SMARCC1: variants seen among roughly 807,000 people sequenced by gnomAD.
The protein encoded by SMARCC1 is SWI/SNF related BAF chromatin remodeling complex subunit C1.
SMARCC1 carries 43 observed loss-of-function variants against 147.4 expected under a neutral mutation model. The ratio of observed to expected loss-of-function variants is 0.29; its 90% confidence interval spans 0.23 to 0.38. SMARCC1 has a LOEUF of 0.38. Among genes scored for constraint, SMARCC1 ranks in the 10% least tolerant of loss-of-function variants. SMARCC1 has a pLI of 1.00. For synonymous variants in SMARCC1, 495 were observed against 484.4 expected (o/e 1.02, Z -0.29); for missense variants, 1,119 against 1,381.1 (o/e 0.81, Z 3.01).
At chr3:47,595,409 C>A (rs1018661369) in intron 26 of SMARCC1, among the ~76,000 whole-genome samples, 1 of 151,918 alleles carries the variant, frequency 6.6e-6, no homozygotes, top group Non-Finnish European at 1.5e-5. Context: ...CACCTGTAAT[C>A]CCAGCTACTC....
At chr3:47,695,917 A>T (rs76769685) in intron 11 of SMARCC1, among the ~76,000 whole-genome samples, 1 of 125,780 alleles carries the variant, frequency 8.0e-6, no homozygotes, top group Non-Finnish European at 1.7e-5. Flanking sequence ...TACAAAAAAA[A>T]TCAGCCGGGC....
intron 26 of SMARCC1, among the ~76,000 whole-genome samples, chr3:47,593,063 G>A (rs971901128): frequency 2.6e-5 from 4 of 152,036 alleles, no homozygotes; most frequent in African/African-American, 9.7e-5. Flanking sequence ...CTGACCTCAA[G>A]TGATCCACCC....
At chr3:47,708,899 G>T (rs1405232192) in intron 9 of SMARCC1, among the ~76,000 whole-genome samples, 2 of 152,116 alleles carry the variant, frequency 1.3e-5, no homozygotes, top group Non-Finnish European at 1.5e-5. Context: ...CTCGGCCTCC[G>T]AAAGTGCTGG....
rs967302198 is a variant in SMARCC1 at position 47,736,064 on chromosome 3, G to C, written c.546C>G (p.Asn182Lys). The change falls in exon 5 of 28, where the codon AAC becomes AAG. Residue 182 changes from asparagine to lysine, a missense_variant. By Grantham distance (94) the Asn-to-Lys change is moderately conservative. Coordinates refer to ENST00000254480, the MANE Select transcript of SMARCC1 (RefSeq NM_003074.4). ...LIPDIDLKLA[N>K]KLKDIIKRHQ... ...GTCGTTTGATGATATCTTTCAATTT[G>C]TTAGCCAACTTCAGATCAATGTCTG... 1.9e-6 allele frequency: 3 copies of C among 1,596,168 alleles called. No homozygotes were observed. In the African/African-American group the frequency reaches 4.0e-5, roughly 21 times the overall value.
intron 2 of SMARCC1, among the ~76,000 whole-genome samples, chr3:47,771,585 C>A (rs929828747): frequency 6.6e-6 from 1 of 151,772 alleles, no homozygotes; most frequent in South Asian, 2.1e-4. Context: ...ACTAAAAATA[C>A]AAAAATTAGC....
chr3:47,717,790 C>T (rs1318182014), intron 7 of SMARCC1, among the ~76,000 whole-genome samples: 1 of 152,048 alleles, frequency 6.6e-6, no homozygotes, highest in Non-Finnish European at 1.5e-5. Context: ...TGGTCTAGAA[C>T]TCCTGGCCTC....
chr3:47,593,719 A>T (rs1379295977), intron 26 of SMARCC1, among the ~76,000 whole-genome samples: 1 of 152,202 alleles, frequency 6.6e-6, no homozygotes, highest in African/African-American at 2.4e-5. Flanking sequence ...ACTCTCTGTC[A>T]CTATAGAAAG....
At chr3:47,650,274 T>TA (rs2033172345) in intron 21 of SMARCC1, among the ~76,000 whole-genome samples, 9 of 97,404 alleles carry the variant, frequency 9.2e-5, no homozygotes, top group South Asian at 6.4e-4. Context: ...AGACTCTGTT[T>TA]AAAATAATAA....
chr3:47,760,667 AAAC>A (rs1379359613), intron 2 of SMARCC1, among the ~76,000 whole-genome samples: 4 of 152,182 alleles, frequency 2.6e-5, no homozygotes, highest in South Asian at 2.1e-4. Flanking sequence ...CTGTCTCAAA[AAAC>A]AACAACAAAA....
intron 3 of SMARCC1, among the ~76,000 whole-genome samples, chr3:47,744,468 C>A (rs1423283339): frequency 6.6e-6 from 1 of 152,108 alleles, no homozygotes; most frequent in Non-Finnish European, 1.5e-5. Context: ...CTACTATTTA[C>A]TATATAAATA....
chr3:47,589,718 A>G (rs2032146035), intron 27 of SMARCC1, among the ~76,000 whole-genome samples: 1 of 152,196 alleles, frequency 6.6e-6, no homozygotes, highest in African/African-American at 2.4e-5. Context: ...AGAGTATTAG[A>G]GTGTACTTAA....
Position 47,754,378 on chromosome 3 carries a change from T to C in SMARCC1, c.316-8385A>G, listed in dbSNP as rs141501531. ...CCACCACGCCCAGCTAATTTTTGTA[T>C]TTTTAGTAGAGACAGGGTTTCACCA... On this transcript the variant is annotated intron_variant, in intron 2 of 27. Coordinates refer to ENST00000254480, the MANE Select transcript of SMARCC1 (RefSeq NM_003074.4). Among the ~76,000 whole-genome samples, 851 of 152,210 alleles carry C rather than the reference T, an allele frequency of 5.6e-3. 11 individuals are homozygous for C. Among genetic ancestry groups the C allele is most frequent in the African/African-American group, 0.019 (800 of 41,536 alleles).
chr3:47,663,442 A>T (rs2033378162), intron 19 of SMARCC1, among the ~76,000 whole-genome samples: 1 of 152,126 alleles, frequency 6.6e-6, no homozygotes, highest in African/African-American at 2.4e-5. Flanking sequence ...TAGGAAGAAA[A>T]AAGTATTTAA....
At chr3:47,716,360 G>A (rs1368258896) in intron 7 of SMARCC1, among the ~76,000 whole-genome samples, 1 of 142,394 alleles carries the variant, frequency 7.0e-6, no homozygotes, top group Admixed American at 7.5e-5. Flanking sequence ...GGAGTTTGCA[G>A]TGAGCTTAGA....
At chr3:47,593,993 C>G (rs1007658534) in intron 26 of SMARCC1, among the ~76,000 whole-genome samples, 7 of 152,088 alleles carry the variant, frequency 4.6e-5, no homozygotes, top group African/African-American at 1.7e-4. Flanking sequence ...GGTGAAACCC[C>G]ATTTCTACTA....
chr3:47,618,833 G>A (rs1334390479), intron 25 of SMARCC1, among the ~76,000 whole-genome samples: 1 of 152,056 alleles, frequency 6.6e-6, no homozygotes, highest in Non-Finnish European at 1.5e-5. Context: ...AGAGCTCCTT[G>A]CCAAACTAGA....
At chr3:47,723,355 G>GTTTTTTTTTTTTT (rs71070218) in intron 6 of SMARCC1, among the ~76,000 whole-genome samples, 4 of 106,676 alleles carry the variant, frequency 3.7e-5, no homozygotes, top group African/African-American at 7.0e-5. Context: ...TTTTTGTTGG[G>GTTTTTTTTTTTTT]TTTTTTTTTT....
At chr3:47,704,648 G>A (rs1426399445) in intron 10 of SMARCC1, among the ~76,000 whole-genome samples, 1 of 152,176 alleles carries the variant, frequency 6.6e-6, no homozygotes, top group Non-Finnish European at 1.5e-5. Flanking sequence ...CAGGTGTGGT[G>A]GCTCACGCAA....
intron 16 of SMARCC1, among the ~76,000 whole-genome samples, chr3:47,677,641 T>G (rs977468917): frequency 3.3e-5 from 5 of 151,164 alleles, no homozygotes; most frequent in Admixed American, 3.3e-4. Flanking sequence ...AATCTCTGTC[T>G]CCTGAGTTCT....
Sources: gnomAD v4.1 joint callset for allele counts (sites outside exome capture counted in the v4.1 genomes callset) on GRCh38, gnomAD v4.1.1 for gene constraint, MANE v1.5 for transcripts, NCBI Gene and HGNC (gene_info 2026-07-23, HGNC 2026-07-21) for gene names.